Variants in SYNE1 observed in about 807,000 individuals in gnomAD.
SYNE1 encodes nesprin-1.
A neutral mutation model predicts 1,111.0 loss-of-function variants in SYNE1; 616 were observed. The observed-to-expected ratio is 0.55, with a 90% confidence interval of 0.52 to 0.59. SYNE1 has a LOEUF of 0.59. Ranked by LOEUF, SYNE1 falls within the 20% of genes least tolerant of loss-of-function variation. SYNE1 has a pLI of 0.00. For missense variants in SYNE1, 10,006 were observed against 10,417.0 expected (o/e 0.96, Z 1.72); for synonymous variants, 3,855 against 3,825.8 (o/e 1.01, Z -0.28).
intron 3 of SYNE1, among the ~76,000 whole-genome samples, chr6:152,600,105 T>A (rs1447715312): frequency 1.3e-5 from 2 of 152,206 alleles, no homozygotes; most frequent in African/African-American, 2.4e-5. Context: ...TTAAATGCAG[T>A]AGCAGTTGAC....
rs1384899561 is a variant in SYNE1, at chr6:152,471,656, A to C, written c.1573T>G (p.Ser525Ala). The C allele has an allele frequency of 6.2e-6, 10 of 1,613,904 alleles. No individual in the cohort carries two copies. Among genetic ancestry groups the C allele is most frequent in the Non-Finnish European group, 8.5e-6 (10 of 1,179,926 alleles). ...CTCCTCCCGTACTTAATGATCCAAG[A>C]CTTCAGCTTTGACTCTGCAAGAACC... ...LLVLAESKLK[S>A]WIIKYGRRES... The change falls in exon 16 of 146, where the codon TCT becomes GCT. Residue 525 changes from serine (S) to alanine (A), a missense_variant. Around this residue, in one of 7 missense-constraint regions of SYNE1, gnomAD observed 1,971 missense variants for 2,084.1 expected, o/e 0.95. Transcript: ENST00000367255.
In SYNE1 at chr6:152,230,590, A is replaced by G. The variant is rs770081862; in HGVS notation, c.21152T>C (p.Ile7051Thr). The change falls in exon 115 of 146, where the codon ATT (isoleucine) becomes ACT (threonine). Residue 7051 changes from isoleucine to threonine, a missense_variant. Physicochemically the swap from Ile to Thr is moderately conservative, Grantham distance 89. Around this residue, in one of 7 missense-constraint regions of SYNE1, gnomAD observed 2,182 missense variants for 2,287.8 expected, o/e 0.95. Transcript: ENST00000367255. ...ATTTTGAACAGAAGCCTGATCTCCAATTCGATGCTGTTGTTTTAGTCTCTT... is the reference window on the plus strand; with the variant it reads ...ATTTTGAACAGAAGCCTGATCTCCAGTTCGATGCTGTTGTTTTAGTCTCTT... ...QEKRLKQQHRIGDQASVQNAL... is the reference protein window; with the variant it reads ...QEKRLKQQHRTGDQASVQNAL... 7 of 1,613,974 alleles carry G rather than the reference A, an allele frequency of 4.3e-6. No individual in the cohort carries two copies. The East Asian group carries it at 1.1e-4, about 26-fold the overall frequency.
chr6:152,250,368 G>A (rs1458251329), intron 104 of SYNE1, among the ~76,000 whole-genome samples: 1 of 152,028 alleles, frequency 6.6e-6, no homozygotes, highest in Non-Finnish European at 1.5e-5. Flanking sequence ...CTCAACTCAG[G>A]ACCTCTTTAC....
At chr6:152,578,127 A>G (rs1314010851) in intron 3 of SYNE1, among the ~76,000 whole-genome samples, 3 of 152,226 alleles carry the variant, frequency 2.0e-5, no homozygotes, top group South Asian at 2.1e-4. Flanking sequence ...CTTTTGTTAA[A>G]TTCATGAAAT....
At chr6:152,462,608 G>T in intron 20 of SYNE1, 130 bp downstream of exon 20, 1 of 997,446 alleles carries the variant, frequency 1.0e-6, no homozygotes, top group Non-Finnish European at 1.5e-6. Context: ...GGTGCAAATT[G>T]GGACATACAG....
At chr6:152,455,282 G>A (rs1018283439) in intron 24 of SYNE1, 144 bp downstream of exon 24, 9 of 774,380 alleles carry the variant, frequency 1.2e-5, no homozygotes, top group Middle Eastern at 3.8e-4. Flanking sequence ...CATATCTTTG[G>A]GTCTCATACC....
intron 122 of SYNE1, among the ~76,000 whole-genome samples, chr6:152,214,454 T>C (rs958913615): frequency 6.6e-6 from 1 of 152,240 alleles, no homozygotes; most frequent in Admixed American, 6.5e-5. Context: ...TTATATTCTA[T>C]TGATACATTG....
At chr6:152,145,939 C>T (rs1239547531) in intron 137 of SYNE1, 13 of 292,912 alleles carry the variant, frequency 4.4e-5, no homozygotes, top group East Asian at 1.7e-4. Context: ...GCAGGAGGAT[C>T]GCTTGAACCC....
intron 92 of SYNE1, among the ~76,000 whole-genome samples, chr6:152,301,539 C>A (rs1344413597): frequency 6.6e-6 from 1 of 152,174 alleles, no homozygotes; most frequent in African/African-American, 2.4e-5. Context: ...ATCCCCCAGA[C>A]AACTAAAACA....
intron 126 of SYNE1, among the ~76,000 whole-genome samples, chr6:152,203,393 T>C (rs1330567558): frequency 6.6e-6 from 1 of 152,186 alleles, no homozygotes; most frequent in African/African-American, 2.4e-5. Flanking sequence ...CTTCATGTTG[T>C]CCAACACTGC....
At chr6:152,323,313 C>T (rs1324757483) in intron 82 of SYNE1, among the ~76,000 whole-genome samples, 165 bp downstream of exon 82, 1 of 152,200 alleles carries the variant, frequency 6.6e-6, no homozygotes, top group Non-Finnish European at 1.5e-5. Flanking sequence ...TGGCGGGCGC[C>T]TGTAGTCCCA....
At chr6:152,312,139 A>G (rs2095571541) in intron 87 of SYNE1, among the ~76,000 whole-genome samples, 3 of 151,876 alleles carry the variant, frequency 2.0e-5, no homozygotes, top group African/African-American at 7.2e-5. Context: ...ATGTTTATAA[A>G]TATATATTTA....
intron 98 of SYNE1, chr6:152,277,589 A>T (rs1172416033): frequency 1.6e-5 from 3 of 189,160 alleles, no homozygotes; most frequent in Non-Finnish European, 3.3e-5. Flanking sequence ...CGCCCTGCCC[A>T]CATTCCTTTT....
chr6:152,527,162 T>C (rs991890298), intron 4 of SYNE1, among the ~76,000 whole-genome samples: 16 of 152,278 alleles, frequency 1.1e-4, no homozygotes, highest in African/African-American at 3.8e-4. Flanking sequence ...TTTCTTTCTT[T>C]AAAAAATAAT....
intron 21 of SYNE1, among the ~76,000 whole-genome samples, chr6:152,460,011 G>A (rs554145391): frequency 6.6e-6 from 1 of 152,284 alleles, no homozygotes; most frequent in East Asian, 1.9e-4. Flanking sequence ...ACAAAACCAA[G>A]AGAGTCTACT....
At chr6:152,544,541 G>C (rs1305658067) in intron 3 of SYNE1, among the ~76,000 whole-genome samples, 1 of 140,634 alleles carries the variant, frequency 7.1e-6, no homozygotes, top group Non-Finnish European at 1.6e-5. Context: ...GTAGAAATGA[G>C]TTAAAAAAAA....
chr6:152,481,204 G>A (rs765284217), intron 14 of SYNE1: 2 of 221,970 alleles, frequency 9.0e-6, no homozygotes, highest in African/African-American at 4.6e-5. Flanking sequence ...AAAGTTAAAG[G>A]TATTATACAA....
At chr6:152,143,996 C>T (rs1053025963) in intron 137 of SYNE1, 24 of 560,092 alleles carry the variant, frequency 4.3e-5, no homozygotes, top group Admixed American at 2.2e-4. Context: ...CGTCGCAAAA[C>T]GGCTCTCCAG....
chr6:152,376,489 G>C lies in SYNE1; in HGVS notation c.9216C>G (p.Ala3072=), dbSNP rs769657414. ...EQILQQRFRK[A]FRDFQQWLVN... ...CCAACCACTGCTGGAAATCCCTGAA[G>C]GCCTTTCGAAATCTTTGCTGTAAAA... Residue 3072 remains alanine (A), a synonymous_variant, in exon 58 of 146, where the codon GCC becomes GCG. Transcript: ENST00000367255. The C allele has an allele frequency of 6.2e-7, 1 of 1,614,150 alleles. No homozygotes were observed. Among genetic ancestry groups the C allele is most frequent in the East Asian group, 2.2e-5 (1 of 44,884 alleles).
Sources: allele counts gnomAD v4.1 joint callset (sites outside exome capture counted in the v4.1 genomes callset), GRCh38; gene constraint gnomAD v4.1.1; regional missense constraint gnomAD v4.1.1; transcripts MANE v1.5; gene names NCBI Gene and HGNC (gene_info 2026-07-23, HGNC 2026-07-21).